Variants in MACROD2 observed in about 807,000 individuals in gnomAD.
MACROD2 encodes ADP-ribose glycohydrolase MACROD2.
Under a neutral mutation model 70.4 loss-of-function variants are expected in MACROD2, and 36 were observed. The observed-to-expected ratio is 0.51, with a 90% confidence interval of 0.39 to 0.68. MACROD2 has a LOEUF of 0.68. MACROD2 is among the 30% of genes least tolerant of loss of function. MACROD2 has a pLI of 0.00. For missense variants in MACROD2, 496 were observed against 538.4 expected, an observed-to-expected ratio of 0.92 and a Z score of 0.78; for synonymous variants, 172 against 178.8, an observed-to-expected ratio of 0.96 and a Z score of 0.30.
At chr20:15,139,860 G>A (rs116822193) in intron 5 of MACROD2, among the ~76,000 whole-genome samples, 2,624 of 152,254 alleles carry the variant, frequency 0.017, 81 homozygotes, top group African/African-American at 0.06. Flanking sequence ...TGCACAAGTG[G>A]CATATAGAGA....
At chr20:15,672,386 C>CAT (rs1555858317) in intron 8 of MACROD2, among the ~76,000 whole-genome samples, 1 of 150,202 alleles carries the variant, frequency 6.7e-6, no homozygotes, top group Non-Finnish European at 1.5e-5. Flanking sequence ...CACACACACA[C>CAT]GTAGAGTCAT....
intron 3 of MACROD2, among the ~76,000 whole-genome samples, chr20:14,429,293 TG>T (rs1336277370): frequency 3.7e-4 from 57 of 152,328 alleles, no homozygotes; most frequent in African/African-American, 1.3e-3. Flanking sequence ...ATGATTTCTG[TG>T]GCCTTTAAAT....
intron 5 of MACROD2, among the ~76,000 whole-genome samples, chr20:15,068,330 A>C (rs1263905837): frequency 1.3e-5 from 2 of 152,250 alleles, no homozygotes; most frequent in Admixed American, 1.3e-4. Flanking sequence ...AGTTTAAAAA[A>C]TATTCTCAAA....
chr20:14,376,777 AT>A (rs2083375624), intron 3 of MACROD2, among the ~76,000 whole-genome samples: 8 of 148,078 alleles, frequency 5.4e-5, no homozygotes, highest in Non-Finnish European at 1.0e-4. Flanking sequence ...AATAATAATA[AT>A]AATAATAATA....
At chr20:14,127,353 C>A in intron 3 of MACROD2, 1 of 346,480 alleles carries the variant, frequency 2.9e-6, no homozygotes, top group South Asian at 7.5e-5. Context: ...AGGTAGCTGT[C>A]CCTACTTGCT....
intron 8 of MACROD2, among the ~76,000 whole-genome samples, chr20:15,772,755 T>C (rs2051657229): frequency 6.6e-6 from 1 of 152,070 alleles, no homozygotes; most frequent in South Asian, 2.1e-4. Context: ...CCATCAAATA[T>C]TGGGTGCACC....
At chr20:15,232,559 G>A (rs1316265008) in intron 6 of MACROD2, among the ~76,000 whole-genome samples, 1 of 151,922 alleles carries the variant, frequency 6.6e-6, no homozygotes, top group Non-Finnish European at 1.5e-5. Flanking sequence ...GGATCAGTCG[G>A]GATAATGTGT....
At chr20:15,848,366 A>AG (rs371851579) in intron 8 of MACROD2, among the ~76,000 whole-genome samples, 87 of 148,808 alleles carry the variant, frequency 5.8e-4, no homozygotes, top group Non-Finnish European at 9.2e-4. Context: ...AGCCAGGGGG[A>AG]GGGGGGGGTC....
chr20:15,566,991 A>G (rs2048318811), intron 8 of MACROD2, among the ~76,000 whole-genome samples: 1 of 152,208 alleles, frequency 6.6e-6, no homozygotes, highest in Non-Finnish European at 1.5e-5. Flanking sequence ...GAAAGTGGAA[A>G]AGCCAGATCT....
At chr20:15,708,586 C>T (rs572032657) in intron 8 of MACROD2, among the ~76,000 whole-genome samples, 7 of 152,252 alleles carry the variant, frequency 4.6e-5, no homozygotes, top group East Asian at 1.9e-4. Flanking sequence ...AATAATGCCT[C>T]GACTTGAGCC....
intron 5 of MACROD2, among the ~76,000 whole-genome samples, chr20:14,864,863 C>T (rs2073411275): frequency 1.3e-5 from 2 of 152,026 alleles, no homozygotes; most frequent in Non-Finnish European, 2.9e-5. Context: ...CTTATAAGTT[C>T]CCTATGAGAA....
intron 8 of MACROD2, among the ~76,000 whole-genome samples, chr20:15,691,964 G>A (rs183197137): frequency 3.0e-4 from 45 of 152,140 alleles, no homozygotes; most frequent in Admixed American, 2.2e-3. Context: ...TTCAAGTACC[G>A]GACCTCGGTT....
intron 8 of MACROD2, among the ~76,000 whole-genome samples, chr20:15,630,788 G>T (rs1365973359): frequency 1.3e-5 from 2 of 152,148 alleles, no homozygotes; most frequent in African/African-American, 4.8e-5. Flanking sequence ...TCACCTCAGG[G>T]GCAGAATGCA....
At chr20:15,292,349 A>ATT (rs2077548068) in intron 6 of MACROD2, among the ~76,000 whole-genome samples, 1 of 152,214 alleles carries the variant, frequency 6.6e-6, no homozygotes, top group South Asian at 2.1e-4. Context: ...AGAATAAATA[A>ATT]AGGTCCAGCA....
chr20:15,660,799 C>T (rs1431970748), intron 8 of MACROD2, among the ~76,000 whole-genome samples: 3 of 152,194 alleles, frequency 2.0e-5, no homozygotes, highest in Non-Finnish European at 4.4e-5. Context: ...CCATCAGCAG[C>T]TCAAGCCAAA....
intron 8 of MACROD2, among the ~76,000 whole-genome samples, chr20:15,509,194 T>A (rs146051430): frequency 8.0e-4 from 122 of 152,260 alleles, no homozygotes; most frequent in Non-Finnish European, 1.5e-3. Flanking sequence ...AAAATTAGAG[T>A]GCTTTTTATA....
intron 3 of MACROD2, among the ~76,000 whole-genome samples, chr20:14,330,603 G>A (rs1234913840): frequency 3.3e-5 from 5 of 152,050 alleles, no homozygotes; most frequent in African/African-American, 4.8e-5. Flanking sequence ...ATTAACGGAA[G>A]AAAAGTGAAA....
intron 5 of MACROD2, among the ~76,000 whole-genome samples, chr20:15,155,289 G>A (rs141978455): frequency 6.8e-4 from 103 of 152,132 alleles, no homozygotes; most frequent in African/African-American, 2.0e-3. Context: ...TAGACTTTAG[G>A]CTGCAATCCT....
At chr20:14,257,736 C>A (rs1379512157) in intron 3 of MACROD2, among the ~76,000 whole-genome samples, 1 of 151,984 alleles carries the variant, frequency 6.6e-6, no homozygotes, top group Admixed American at 6.6e-5. Flanking sequence ...CTTGCCTGTC[C>A]TTTATTTATT....
Sources: allele counts gnomAD v4.1 joint callset (sites outside exome capture counted in the v4.1 genomes callset), GRCh38; gene constraint gnomAD v4.1.1; transcripts MANE v1.5; gene names NCBI Gene and HGNC (gene_info 2026-07-23, HGNC 2026-07-21).